ZNF469: variants seen among roughly 807,000 people sequenced by gnomAD.
ZNF469 encodes the protein zinc finger protein 469.
A neutral mutation model predicts 1.0 loss-of-function variants in ZNF469; 1 was observed. The observed-to-expected ratio is 1.00, with a 90% CI of 0.35 to 4.73. The LOEUF is 4.73. Among genes scored for constraint, ZNF469 ranks in the 30% most tolerant of loss-of-function variants. The pLI, the probability that ZNF469 is intolerant of heterozygous loss-of-function variation, is 0.16. For missense variants in ZNF469, 6,100 were observed against 5,356.3 expected, an observed-to-expected ratio of 1.14 and a Z score of -4.33; for synonymous variants, 2,703 against 2,363.4, an observed-to-expected ratio of 1.14 and a Z score of -4.17.
At chr16:88,328,499 C>T in the ZNF469 span, among the ~76,000 whole-genome samples, 4 of 152,210 alleles carry the variant, frequency 2.6e-5, no homozygotes, top group Admixed American at 1.3e-4. Flanking sequence ...TGAAACGCCA[C>T]GGCCCCAGTG....
At position 88,436,715 on chromosome 16, in the gene ZNF469, C is replaced by G. The variant is rs1015869921; in HGVS notation, c.9245C>G (p.Ala3082Gly). ...GPSFLDFEGT[A>G]SSQGPQSRRT... ...AGCTTCTTAGACTTCGAGGGCACGG[C>G]GAGCTCACAGGGGCCACAGAGCCGA... is the stretch of plus-strand genomic sequence containing the variant. The change falls in exon 3 of 3, where the codon GCG becomes GGG. Residue 3082 changes from alanine to glycine, a missense_variant. Physicochemically the swap from Ala to Gly is moderately conservative, Grantham distance 60. Transcript: ENST00000565624. The G allele has an allele frequency of 1.1e-5, 17 of 1,549,044 alleles. No homozygotes were observed. The highest frequency in any genetic ancestry group is 3.9e-5 in the Admixed American group (2 of 50,948).
chr16:88,197,158 C>T, the ZNF469 span, among the ~76,000 whole-genome samples: 131 of 152,314 alleles, frequency 8.6e-4, no homozygotes, highest in African/African-American at 3.0e-3. Context: ...GCTGTCCCTA[C>T]CCTTCTAGCC....
chr16:88,101,242 C>T, the ZNF469 span, among the ~76,000 whole-genome samples: 4 of 152,182 alleles, frequency 2.6e-5, no homozygotes, highest in East Asian at 1.9e-4. Flanking sequence ...ACGTGCCATC[C>T]GGGAACATCT....
chr16:88,157,795 C>T, the ZNF469 span, among the ~76,000 whole-genome samples: 1 of 151,850 alleles, frequency 6.6e-6, no homozygotes, highest in Non-Finnish European at 1.5e-5. Context: ...CCCTGTGTGT[C>T]ATTGTTATAT....
intron 1 of ZNF469, among the ~76,000 whole-genome samples, chr16:88,420,900 C>T (rs948368237): frequency 4.6e-5 from 7 of 152,128 alleles, no homozygotes; most frequent in African/African-American, 1.4e-4. Flanking sequence ...TGGGGCTGGC[C>T]CCAAAGCCCC....
the ZNF469 span, among the ~76,000 whole-genome samples, chr16:88,325,145 C>T: frequency 1.8e-3 from 165 of 89,898 alleles, no homozygotes; most frequent in Middle Eastern, 5.6e-3. Context: ...CAGGTGGTCC[C>T]GACAGCAGCT....
chr16:88,424,102 TGTG>T lies in ZNF469; in HGVS notation c.-191-701_-191-699del, dbSNP rs1905599121. Among the ~76,000 whole-genome samples, 1 of 152,258 alleles carries T rather than the reference TGTG, an allele frequency of 6.6e-6. No homozygotes were observed. The highest frequency in any genetic ancestry group is 2.4e-5 in the African/African-American group (1 of 41,470). The stretch of plus-strand genomic sequence containing the variant: ...GCGTTTGGAGCACAGGCTGTCGCCA[TGTG>T]GTGACCATTGCTGTATTGTTTCTAA... On this transcript the variant is annotated intron_variant, in intron 1 of 2. Transcript: ENST00000565624. This position sits in a 1 kb window ranked among gnomAD's most constrained non-coding sequence, Gnocchi z 4.3.
the ZNF469 span, among the ~76,000 whole-genome samples, chr16:88,150,659 G>T: frequency 2.0e-5 from 3 of 151,624 alleles, no homozygotes; most frequent in African/African-American, 7.3e-5. Flanking sequence ...AAATCCTGCC[G>T]GCCTGGGAAA....
chr16:88,408,441 C>T (rs1376487846), intron 1 of ZNF469, among the ~76,000 whole-genome samples: 3 of 152,226 alleles, frequency 2.0e-5, no homozygotes, highest in Admixed American at 6.5e-5. Context: ...CGTGAGCCAC[C>T]GTGCCCAGCC....
chr16:88,152,798 G>T, the ZNF469 span, among the ~76,000 whole-genome samples: 62 of 152,154 alleles, frequency 4.1e-4, no homozygotes, highest in African/African-American at 4.3e-4. This position sits in a 1 kb window ranked among gnomAD's most constrained non-coding sequence, Gnocchi z 4.2. Flanking sequence ...CAGGGAGGCC[G>T]CAGCCAGGGT....
At chr16:88,380,528 AACAC>A (rs760776664), upstream of ZNF469, among the ~76,000 whole-genome samples, 15 of 71,726 alleles carry the variant, frequency 2.1e-4, no homozygotes, top group Non-Finnish European at 3.5e-4. Flanking sequence ...CACACGCACT[AACAC>A]ACACGCACTA....
the ZNF469 span, among the ~76,000 whole-genome samples, chr16:88,111,267 G>A: frequency 6.6e-6 from 1 of 152,080 alleles, no homozygotes; most frequent in Non-Finnish European, 1.5e-5. Context: ...TTTTTTTTGT[G>A]GGTACGTCGT....
chr16:88,388,962 A>C (rs138513991), intron 1 of ZNF469, among the ~76,000 whole-genome samples: 11 of 152,368 alleles, frequency 7.2e-5, no homozygotes, highest in African/African-American at 2.6e-4. Context: ...TGCCAGGGCC[A>C]TCCTCTGTGC....
chr16:88,336,901 C>T, the ZNF469 span, among the ~76,000 whole-genome samples: 67 of 152,356 alleles, frequency 4.4e-4, 2 homozygotes, highest in East Asian at 0.012. Flanking sequence ...CCGAGTCTAC[C>T]ATCTCTGCTC....
At chr16:88,390,989 C>G (rs1283357925) in intron 1 of ZNF469, among the ~76,000 whole-genome samples, 1 of 152,246 alleles carries the variant, frequency 6.6e-6, no homozygotes, top group Admixed American at 6.5e-5. Context: ...ACCACAGGCC[C>G]GGGTGAATGG....
chr16:88,137,009 C>T, the ZNF469 span, among the ~76,000 whole-genome samples: 233 of 152,308 alleles, frequency 1.5e-3, 1 homozygote, highest in African/African-American at 5.2e-3. Flanking sequence ...GTTGTGTGTG[C>T]GTATAGCCAT....
At chr16:88,412,345 C>T (rs1227220691) in intron 1 of ZNF469, among the ~76,000 whole-genome samples, 1 of 152,044 alleles carries the variant, frequency 6.6e-6, no homozygotes, top group African/African-American at 2.4e-5. Flanking sequence ...AGGCACCTCG[C>T]TTAACCTCTC....
At chr16:88,417,205 G>A (rs751124096) in intron 1 of ZNF469, among the ~76,000 whole-genome samples, 3 of 151,330 alleles carry the variant, frequency 2.0e-5, no homozygotes, top group South Asian at 4.2e-4. Flanking sequence ...AGCCAGGGGC[G>A]AAAGAGCCCA....
At chr16:88,334,380 G>C in the ZNF469 span, among the ~76,000 whole-genome samples, 2 of 152,154 alleles carry the variant, frequency 1.3e-5, no homozygotes, top group Admixed American at 6.5e-5. Context: ...TGTCACATTT[G>C]GGAATGTTTG....
Sources: gnomAD v4.1 joint callset for allele counts (sites outside exome capture counted in the v4.1 genomes callset) on GRCh38, gnomAD v4.1.1 for gene constraint, Gnocchi (gnomAD v3.1) non-coding constraint, MANE v1.5 for transcripts, NCBI Gene and HGNC (gene_info 2026-07-23, HGNC 2026-07-21) for gene names.